Variants in SLC25A48 observed in about 807,000 individuals in gnomAD.
The protein encoded by SLC25A48 is solute carrier family 25 member 48.
A neutral mutation model predicts 32.2 loss-of-function variants in SLC25A48; 29 were observed. The observed-to-expected ratio is 0.90, with a 90% CI of 0.67 to 1.23. The LOEUF is 1.23. SLC25A48 is among the 50% of genes most tolerant of loss of function. The pLI is 0.00. For missense variants in SLC25A48, 399 were observed against 422.7 expected (o/e 0.94, Z 0.49); for synonymous variants, 164 against 172.3 (o/e 0.95, Z 0.38).
intron 3 of SLC25A48, chr5:135,648,966 G>A (rs1753036996): frequency 6.6e-6 from 1 of 152,272 alleles, no homozygotes; most frequent in African/African-American, 2.4e-5. Flanking sequence ...TATGGTACCA[G>A]TTCCTTAGTT....
At chr5:135,734,134 G>T (rs1384952132) in intron 3 of SLC25A48, among the ~76,000 whole-genome samples, 2 of 152,132 alleles carry the variant, frequency 1.3e-5, no homozygotes, top group African/African-American at 2.4e-5. Context: ...CGGGGTAAGG[G>T]TGATTAGGTT....
intron 3 of SLC25A48, among the ~76,000 whole-genome samples, chr5:135,777,384 G>T (rs1756592308): frequency 6.6e-6 from 1 of 151,412 alleles, no homozygotes; most frequent in Non-Finnish European, 1.5e-5. Context: ...GGGGAGTACA[G>T]CCCCAGTGTG....
chr5:135,629,550 G>A lies in SLC25A48; in HGVS notation c.-709+174G>A, dbSNP rs183169127. The stretch of plus-strand genomic sequence containing the variant: ...TAATCCCAAGAGACCCTGGGAGGTG[G>A]GGGTGGAATGTGGAGTGAGGAAGTA... On this transcript the variant is annotated intron_variant, in intron 2 of 10. Coordinates refer to the SLC25A48 transcript ENST00000646290. This position sits in a 1 kb window ranked among gnomAD's most constrained non-coding sequence, Gnocchi z 4.8. Among the ~76,000 whole-genome samples the A allele has an allele frequency of 3.9e-3, 591 of 152,300 alleles. 7 individuals carry two copies. The highest frequency in any genetic ancestry group is 4.9e-3 in the Non-Finnish European group (333 of 68,032).
chr5:135,834,698 G>T lies in SLC25A48; in HGVS notation c.-150G>T. ...GTGAGCGCGGCAGCCCGCGCAGCCG[G>T]TGACTGGGGGACTGGGTTTGGAGTA... On this transcript the variant is annotated 5_prime_UTR_variant, in exon 1 of 8. Coordinates refer to ENST00000681962, the MANE Select transcript of SLC25A48 (RefSeq NM_001349336.2). 6 of 845,882 alleles carry T rather than the reference G, an allele frequency of 7.1e-6. No homozygotes were observed. The highest frequency in any genetic ancestry group is 9.0e-6 in the Non-Finnish European group (5 of 558,652). 52.4% of individuals were successfully genotyped at this position (845,882 alleles called of 1,614,324 possible).
intron 3 of SLC25A48, among the ~76,000 whole-genome samples, chr5:135,708,390 C>T (rs1041026397): frequency 6.6e-6 from 1 of 152,200 alleles, no homozygotes; most frequent in Non-Finnish European, 1.5e-5. Flanking sequence ...TCTGCAGGCT[C>T]CTAGTATCTC....
At chr5:135,872,557 G>C (rs1389427707) in intron 5 of SLC25A48, 1 of 152,184 alleles carries the variant, frequency 6.6e-6, no homozygotes, top group Non-Finnish European at 1.5e-5. Flanking sequence ...TGATGAAGTG[G>C]GATAAAGAAA....
chr5:135,801,977 T>C (rs1757340932), intron 3 of SLC25A48, among the ~76,000 whole-genome samples: 1 of 151,584 alleles, frequency 6.6e-6, no homozygotes, highest in Non-Finnish European at 1.5e-5. Flanking sequence ...TACACCCCAA[T>C]GTTATATTGT....
chr5:135,807,198 A>C (rs1221292697), intron 3 of SLC25A48, among the ~76,000 whole-genome samples: 1 of 150,814 alleles, frequency 6.6e-6, no homozygotes, highest in African/African-American at 2.4e-5. Context: ...TATTCATATC[A>C]TAGTGTGTCA....
chr5:135,809,495 G>T (rs915282419), intron 3 of SLC25A48, among the ~76,000 whole-genome samples: 1 of 152,116 alleles, frequency 6.6e-6, no homozygotes, highest in Non-Finnish European at 1.5e-5. Flanking sequence ...CAGGTTTATT[G>T]AAGTATAATT....
chr5:135,658,668 G>T (rs573688748), intron 3 of SLC25A48, among the ~76,000 whole-genome samples: 1 of 152,342 alleles, frequency 6.6e-6, no homozygotes, highest in East Asian at 1.9e-4. Flanking sequence ...CTACCCTGCA[G>T]CAGACTTCTG....
At position 135,765,114 on chromosome 5, in the gene SLC25A48, C is replaced by T. The variant is rs80194869; in HGVS notation, c.-520-47409C>T. On this transcript the variant is annotated intron_variant, in intron 3 of 10. Transcript: ENST00000646290. ...TCCCTATATCACAGAGGGGCATACA[C>T]CCCTTTGTGATATGGTTCCTAATAT... 5.1e-3 allele frequency among the ~76,000 whole-genome samples: 777 copies of T among 151,752 alleles called. 7 individuals are homozygous for T. Among genetic ancestry groups the T allele is most frequent in the African/African-American group, 0.018 (735 of 41,312 alleles).
chr5:135,765,938 A>G (rs114047607), intron 3 of SLC25A48, among the ~76,000 whole-genome samples: 208 of 151,830 alleles, frequency 1.4e-3, no homozygotes, highest in African/African-American at 4.7e-3. Context: ...GGGTCATATT[A>G]CTTTTCATAT....
chr5:135,670,961 G>A (rs1366065128), intron 3 of SLC25A48, among the ~76,000 whole-genome samples: 2 of 152,170 alleles, frequency 1.3e-5, no homozygotes, highest in Admixed American at 6.5e-5. Context: ...TTTATGAAGC[G>A]ATGCCTAAAT....
rs79787513 is a variant in SLC25A48 at position 135,794,390 on chromosome 5, G to C, written c.-520-18133G>C. ...GATATTGTTCTTAATATCCACGAGAGGAGATGATGATATCACTGCCAATAT... is the reference window on the plus strand; with the variant it reads ...GATATTGTTCTTAATATCCACGAGACGAGATGATGATATCACTGCCAATAT... On this transcript the variant is annotated intron_variant, in intron 3 of 10. Transcript: ENST00000646290. 5.1e-4 allele frequency among the ~76,000 whole-genome samples: 77 copies of C among 151,904 alleles called. 2 individuals are homozygous for C. The East Asian group carries it at 0.014, about 27-fold the overall frequency.
At chr5:135,744,427 T>A (rs943593374) in intron 3 of SLC25A48, among the ~76,000 whole-genome samples, 5 of 137,648 alleles carry the variant, frequency 3.6e-5, no homozygotes, top group African/African-American at 1.3e-4. Context: ...CTCAGCTCAC[T>A]GCAACCTCCA....
chr5:135,610,589 A>T (rs138048978), intron 1 of SLC25A48, among the ~76,000 whole-genome samples: 1 of 152,188 alleles, frequency 6.6e-6, no homozygotes, highest in Non-Finnish European at 1.5e-5. Flanking sequence ...TAGAAAGCCA[A>T]TTGAATTATT....
At chr5:135,736,172 G>A (rs1755355824) in intron 3 of SLC25A48, among the ~76,000 whole-genome samples, 6 of 152,022 alleles carry the variant, frequency 3.9e-5, no homozygotes, top group Admixed American at 3.9e-4. Context: ...AGGGAAAGAA[G>A]GAAGATTTGG....
At chr5:135,788,797 G>A (rs1466625051) in intron 3 of SLC25A48, among the ~76,000 whole-genome samples, 1 of 149,310 alleles carries the variant, frequency 6.7e-6, no homozygotes, top group Non-Finnish European at 1.5e-5. Flanking sequence ...ATTACTCCCC[G>A]TGTGGTGGTG....
intron 3 of SLC25A48, among the ~76,000 whole-genome samples, chr5:135,726,025 A>G (rs555025049): frequency 6.6e-6 from 1 of 152,360 alleles, no homozygotes; most frequent in African/African-American, 2.4e-5. Context: ...GGACACTGAC[A>G]GACTCGAGGA....
Sources: allele counts gnomAD v4.1 joint callset (sites outside exome capture counted in the v4.1 genomes callset), GRCh38; gene constraint gnomAD v4.1.1; non-coding constraint Gnocchi (gnomAD v3.1); transcripts MANE v1.5; gene names NCBI Gene and HGNC (gene_info 2026-07-23, HGNC 2026-07-21).